Variants in PSMD6 observed in about 807,000 individuals in gnomAD.
PSMD6 encodes the protein proteasome 26S subunit, non-ATPase 6, also known as 26S proteasome non-ATPase regulatory subunit 6.
PSMD6 carries 7 observed loss-of-function variants against 44.9 expected under a neutral mutation model. That is an observed-to-expected ratio of 0.16 (90% CI 0.09 to 0.29). PSMD6 has a LOEUF of 0.29. Among genes scored for constraint, PSMD6 ranks in the 10% least tolerant of loss-of-function variants. The pLI is 1.00. For missense variants in PSMD6, 420 were observed against 482.6 expected (o/e 0.87, Z 1.21); for synonymous variants, 184 against 172.7 (o/e 1.07, Z -0.51).
chr3:64,023,827 C>G (rs755497234), upstream of PSMD6: 18 of 1,473,720 alleles, frequency 1.2e-5, no homozygotes, highest in Middle Eastern at 1.7e-4. Context: ...AGTCGTTACT[C>G]TCATTCATCT....
chr3:64,021,446 ATTAAC>A (rs1276135315), intron 2 of PSMD6, among the ~76,000 whole-genome samples: 4 of 152,382 alleles, frequency 2.6e-5, no homozygotes, highest in South Asian at 2.1e-4. Context: ...TTCTGCAAGT[ATTAAC>A]TTTTTTAAAA....
chr3:64,011,924 C>T (rs2075962525), intron 6 of PSMD6: 1 of 152,382 alleles, frequency 6.6e-6, no homozygotes, highest in Non-Finnish European at 1.5e-5. Flanking sequence ...AAAACACACT[C>T]ATAATGCCCA....
intron 2 of PSMD6, among the ~76,000 whole-genome samples, chr3:64,020,644 A>C (rs1008668235): frequency 6.6e-6 from 1 of 152,188 alleles, no homozygotes; most frequent in Non-Finnish European, 1.5e-5. Flanking sequence ...AGAGAAAAAA[A>C]CCTCGTTTTA....
chr3:64,018,515 G>T (rs2076082577), intron 5 of PSMD6, 84 bp downstream of exon 5: 1 of 988,378 alleles, frequency 1.0e-6, no homozygotes, highest in Non-Finnish European at 1.5e-6. Flanking sequence ...TCTCAGATAG[G>T]TGAAAAATCG....
chr3:64,019,200 T>A, intron 3 of PSMD6, 96 bp downstream of exon 3: 4 of 1,451,484 alleles, frequency 2.8e-6, no homozygotes, highest in African/African-American at 1.4e-5. Flanking sequence ...TTGACCAAAC[T>A]TACTAGCTGT....
At chr3:64,013,689 G>C in intron 5 of PSMD6, 82 bp from the exon 6 acceptor site, 1 of 1,234,356 alleles carries the variant, frequency 8.1e-7, no homozygotes, top group Non-Finnish European at 1.1e-6. Context: ...ACTACTAGTT[G>C]AGTCCAACAG....
chr3:64,022,552 T>A, intron 1 of PSMD6, 29 bp from the exon 2 acceptor site: 1 of 1,611,588 alleles, frequency 6.2e-7, no homozygotes, highest in Non-Finnish European at 8.5e-7. Context: ...GATGTGTGAG[T>A]GGGGACACTT....
In PSMD6 at chr3:64,010,641, A is replaced by C; in HGVS notation, c.*27T>G. The C allele has an allele frequency of 6.6e-7, 1 of 1,510,330 alleles. No homozygotes were observed. The highest frequency in any genetic ancestry group is 9.1e-7 in the Non-Finnish European group (1 of 1,097,250). The allele number at this position is 1,510,330 out of a possible 1,614,324, so 93.6% of individuals were successfully genotyped here. A position where few individuals can be genotyped will look rare whatever the true frequency, so the allele number is the denominator to read the frequency against. ...AAAAATTCCAAATAATTATCTCTAA[A>C]GCAAATCCTTTGTTAGTTACATGGC... On this transcript the variant is annotated 3_prime_UTR_variant, in exon 8 of 8. Transcript: ENST00000295901.
At chr3:64,023,245 C>A (rs2076162212) in intron 1 of PSMD6, 30 bp downstream of exon 1, 1 of 1,543,496 alleles carries the variant, frequency 6.5e-7, no homozygotes, top group South Asian at 1.2e-5. Context: ...CAGGCCTAGG[C>A]CGCTGACTCG....
At chr3:64,015,157 CCT>C (rs1258901749) in intron 5 of PSMD6, 9 of 152,174 alleles carry the variant, frequency 5.9e-5, no homozygotes, top group African/African-American at 2.2e-4. Context: ...TTATTTCTGT[CCT>C]CTCAGACTGG....
At chr3:64,023,948 C>T (rs2076176526), upstream of PSMD6, 1 of 824,320 alleles carries the variant, frequency 1.2e-6, no homozygotes, top group Non-Finnish European at 1.8e-6. Flanking sequence ...CATGTAACAG[C>T]CATGTCGCAA....
intron 2 of PSMD6, 128 bp from the exon 3 acceptor site, chr3:64,019,569 T>A: frequency 2.2e-6 from 2 of 891,108 alleles, no homozygotes; most frequent in Non-Finnish European, 3.3e-6. Flanking sequence ...AGATGGCCAT[T>A]AACTGTTAAT....
At chr3:64,020,649 G>A (rs977360350) in intron 2 of PSMD6, among the ~76,000 whole-genome samples, 6 of 152,110 alleles carry the variant, frequency 3.9e-5, no homozygotes, top group East Asian at 1.9e-4. Context: ...AAAAAACCTC[G>A]TTTTAGATAT....
chr3:64,013,490 G>A lies in PSMD6; in HGVS notation c.944C>T (p.Thr315Ile). ...AAACGCTTCTGCCATATAGCCAAGG[G>A]TTAATGACCTATATGATTCCAGCAG... ...SQLLESYRSL[T>I]LGYMAEAFGV... Residue 315 changes from threonine to isoleucine, a missense_variant, in exon 6 of 8, where the codon ACC (threonine) becomes ATC (isoleucine). By Grantham distance (89) the Thr-to-Ile change is moderately conservative. Transcript: ENST00000295901. The A allele has an allele frequency of 6.2e-7, 1 of 1,612,184 alleles. No homozygotes were observed. Among genetic ancestry groups the A allele is most frequent in the Non-Finnish European group, 8.5e-7 (1 of 1,179,106 alleles).
chr3:64,020,054 C>T (rs2076105693), intron 2 of PSMD6: 1 of 152,062 alleles, frequency 6.6e-6, no homozygotes, highest in Non-Finnish European at 1.5e-5. Flanking sequence ...AAATACTATC[C>T]CCCACTAAAA....
intron 1 of PSMD6, chr3:64,022,785 G>A (rs1230478904): frequency 1.3e-6 from 2 of 1,536,222 alleles, no homozygotes; most frequent in Non-Finnish European, 1.7e-6. Flanking sequence ...GCTCTTGCCG[G>A]ATTCTGTTCC....
chr3:64,023,142 G>A (rs2076160097), intron 1 of PSMD6, 133 bp downstream of exon 1: 12 of 1,423,512 alleles, frequency 8.4e-6, no homozygotes, highest in South Asian at 1.5e-5. Context: ...CCTAAGGGCC[G>A]GAGAAGCCAG....
At chr3:64,019,669 G>T in intron 2 of PSMD6, 1 of 431,732 alleles carries the variant, frequency 2.3e-6, no homozygotes, top group Non-Finnish European at 4.0e-6. Context: ...AAATGCCCAA[G>T]CATATACTTA....
chr3:64,022,737 A>T (rs1161808851), intron 1 of PSMD6: 9 of 1,536,578 alleles, frequency 5.9e-6, no homozygotes, highest in Non-Finnish European at 7.8e-6. Flanking sequence ...GGCAATGCCA[A>T]CCTCTACTAG....
Sources: allele counts gnomAD v4.1 joint callset (sites outside exome capture counted in the v4.1 genomes callset), GRCh38; gene constraint gnomAD v4.1.1; transcripts MANE v1.5; gene names NCBI Gene and HGNC (gene_info 2026-07-23, HGNC 2026-07-21).